Variants in CDK14 observed in about 807,000 individuals in gnomAD.
CDK14 encodes the protein cyclin-dependent kinase 14.
CDK14 carries 34 observed loss-of-function variants against 60.7 expected under a neutral mutation model. That is an observed-to-expected ratio of 0.56 (90% CI 0.43 to 0.75). CDK14 has a LOEUF of 0.75. CDK14 is among the 30% of genes least tolerant of loss of function. The pLI is 0.00. For synonymous variants in CDK14, 197 were observed against 203.7 expected, an observed-to-expected ratio of 0.97 and a Z score of 0.28; for missense variants, 482 against 564.1, an observed-to-expected ratio of 0.85 and a Z score of 1.47.
chr7:91,153,825 TC>T (rs1486552304), intron 14 of CDK14, among the ~76,000 whole-genome samples: 1 of 151,972 alleles, frequency 6.6e-6, no homozygotes, highest in African/African-American at 2.4e-5. Context: ...TCCAACAAAC[TC>T]CCATGACACG....
chr7:90,734,522 T>A (rs1373867681), intron 3 of CDK14, among the ~76,000 whole-genome samples: 1 of 152,178 alleles, frequency 6.6e-6, no homozygotes, highest in Non-Finnish European at 1.5e-5. Context: ...TCACTCTTTT[T>A]TCTCTAATCT....
At chr7:90,815,720 T>G (rs527414517) in intron 5 of CDK14, among the ~76,000 whole-genome samples, 10 of 152,330 alleles carry the variant, frequency 6.6e-5, no homozygotes, top group African/African-American at 2.4e-4. Context: ...ATGTATACCA[T>G]GGAATACTAT....
At chr7:90,998,832 T>C (rs1427197950) in intron 10 of CDK14, among the ~76,000 whole-genome samples, 2 of 152,094 alleles carry the variant, frequency 1.3e-5, no homozygotes, top group Non-Finnish European at 2.9e-5. Flanking sequence ...GAGCTTGCAG[T>C]GAGCGGAGAT....
intron 2 of CDK14, among the ~76,000 whole-genome samples, chr7:90,669,548 C>G (rs950837181): frequency 2.1e-5 from 3 of 141,726 alleles, no homozygotes; most frequent in Non-Finnish European, 4.6e-5. Context: ...TGCCTTACCA[C>G]CAGAAAGTGG....
intron 8 of CDK14, among the ~76,000 whole-genome samples, chr7:90,944,735 A>C (rs963510965): frequency 1.3e-5 from 2 of 152,188 alleles, no homozygotes; most frequent in Non-Finnish European, 2.9e-5. Context: ...CTTTCTCAAA[A>C]AAGGAAAAAC....
intron 2 of CDK14, among the ~76,000 whole-genome samples, chr7:90,689,188 G>A (rs1801504046): frequency 6.6e-6 from 1 of 152,194 alleles, no homozygotes; most frequent in Admixed American, 6.5e-5. Context: ...GGTTGAAGAG[G>A]TGGAAAGAGA....
At chr7:90,822,023 A>G (rs777936128) in intron 5 of CDK14, among the ~76,000 whole-genome samples, 24 of 152,188 alleles carry the variant, frequency 1.6e-4, no homozygotes, top group Non-Finnish European at 2.8e-4. Context: ...CTGCGGGTGA[A>G]TCAATCCTGC....
intron 5 of CDK14, among the ~76,000 whole-genome samples, chr7:90,819,194 G>A (rs1163805207): frequency 6.6e-6 from 1 of 152,098 alleles, no homozygotes; most frequent in African/African-American, 2.4e-5. Context: ...TAATGCAAAA[G>A]CAGATTTGAG....
rs929716892 is a variant in CDK14 at position 90,815,956 on chromosome 7, C to T, written c.544+25304C>T. On this transcript the variant is annotated intron_variant, in intron 5 of 14. Coordinates refer to ENST00000380050, the MANE Select transcript of CDK14 (RefSeq NM_001287135.2). ...AGGGGAGGGGGAGAATCAGGACAAA[C>T]ACCTAATGCATGCGGGGCTTAAGAC... is the stretch of plus-strand genomic sequence containing the variant. 3.9e-5 allele frequency among the ~76,000 whole-genome samples: 6 copies of T among 152,174 alleles called. No individual in the cohort carries two copies. The East Asian group carries it at 7.7e-4, about 20-fold the overall frequency.
At chr7:91,125,670 A>G (rs924966243) in intron 14 of CDK14, among the ~76,000 whole-genome samples, 1 of 152,186 alleles carries the variant, frequency 6.6e-6, no homozygotes, top group Non-Finnish European at 1.5e-5. Context: ...AATAATGTAC[A>G]CAATCTAGAA....
intron 5 of CDK14, among the ~76,000 whole-genome samples, chr7:90,846,218 C>T (rs1790465950): frequency 6.6e-6 from 1 of 152,108 alleles, no homozygotes; most frequent in African/African-American, 2.4e-5. Flanking sequence ...CCATAGGTTC[C>T]TCCAGAGCAG....
chr7:91,003,094 C>G (rs550999119), intron 10 of CDK14, among the ~76,000 whole-genome samples: 39 of 152,168 alleles, frequency 2.6e-4, no homozygotes, highest in African/African-American at 9.2e-4. Context: ...CAAACAGATG[C>G]AATCTATCTA....
intron 14 of CDK14, among the ~76,000 whole-genome samples, chr7:91,145,386 G>C (rs926217012): frequency 6.6e-6 from 1 of 152,182 alleles, no homozygotes; most frequent in African/African-American, 2.4e-5. Context: ...CCTACAAGCT[G>C]TTCTATGCCA....
intron 2 of CDK14, among the ~76,000 whole-genome samples, chr7:90,704,138 C>G (rs1268368581): frequency 6.6e-6 from 1 of 152,038 alleles, no homozygotes; most frequent in Non-Finnish European, 1.5e-5. Context: ...GAAAGCCAGG[C>G]AAAAATAAGA....
In CDK14 at chr7:90,925,301, G is replaced by A. The variant is rs150609469; in HGVS notation, c.826+7577G>A. Among the ~76,000 whole-genome samples the A allele has an allele frequency of 4.9e-3, 746 of 152,258 alleles. 2 individuals are homozygous for A. The highest frequency in any genetic ancestry group is 8.4e-3 in the Admixed American group (128 of 15,296). Reference sequence around the variant, plus strand: ...AAATCTGTCCTGTGAAACAATGACCGGCTAATATTGGATGTAGAAACTGTG... The same window carrying A: ...AAATCTGTCCTGTGAAACAATGACCAGCTAATATTGGATGTAGAAACTGTG... On this transcript the variant is annotated intron_variant, in intron 8 of 14. Transcript: ENST00000380050.
intron 10 of CDK14, among the ~76,000 whole-genome samples, chr7:91,006,464 C>G (rs1004296577): frequency 6.6e-6 from 1 of 152,174 alleles, no homozygotes; most frequent in East Asian, 1.9e-4. Flanking sequence ...TACCAACACA[C>G]GTGCTACTAA....
chr7:90,764,708 T>A (rs1804479946), intron 4 of CDK14, among the ~76,000 whole-genome samples: 1 of 152,226 alleles, frequency 6.6e-6, no homozygotes, highest in African/African-American at 2.4e-5. Flanking sequence ...ATGTTTTCCC[T>A]TCCTTCTAGA....
At chr7:90,984,025 G>C in intron 9 of CDK14, 123 bp from the exon 10 acceptor site, 1 of 682,702 alleles carries the variant, frequency 1.5e-6, no homozygotes, top group Non-Finnish European at 2.6e-6. Flanking sequence ...AAAGTTAGAG[G>C]GGAAAAAGGA....
At chr7:91,013,997 C>G (rs1255684870) in intron 10 of CDK14, among the ~76,000 whole-genome samples, 7 of 151,720 alleles carry the variant, frequency 4.6e-5, no homozygotes, top group African/African-American at 1.5e-4. Flanking sequence ...CTTACATAAA[C>G]TCTTCTGGTA....
Sources: allele counts gnomAD v4.1 joint callset (sites outside exome capture counted in the v4.1 genomes callset), GRCh38; gene constraint gnomAD v4.1.1; transcripts MANE v1.5; gene names NCBI Gene and HGNC (gene_info 2026-07-23, HGNC 2026-07-21).